Variants in SLC35D4 observed in about 807,000 individuals in gnomAD.
SLC35D4 encodes solute carrier family 35 member D4, also known as UDP-N-acetylglucosamine transporter SLC35D4.
chr18:23,363,108 G>A, the SLC35D4 span, among the ~76,000 whole-genome samples: 1 of 151,608 alleles, frequency 6.6e-6, no homozygotes, highest in Non-Finnish European at 1.5e-5. Flanking sequence ...AGCTGGGCAT[G>A]GTGGCAGGTG....
the SLC35D4 span, among the ~76,000 whole-genome samples, chr18:23,241,775 T>A: frequency 8.5e-5 from 13 of 152,226 alleles, no homozygotes; most frequent in African/African-American, 3.1e-4. Context: ...GTGTCCTAAG[T>A]GTAATATAAA....
chr18:23,324,212 C>A, the SLC35D4 span, among the ~76,000 whole-genome samples: 1 of 152,114 alleles, frequency 6.6e-6, no homozygotes, highest in Non-Finnish European at 1.5e-5. Flanking sequence ...GAGAAGGCAG[C>A]CATCTGAAAC....
chr18:23,264,353 C>CT, the SLC35D4 span, among the ~76,000 whole-genome samples: 468 of 56,082 alleles, frequency 8.3e-3, 26 homozygotes, highest in Middle Eastern at 0.022. Flanking sequence ...CACTTTATTC[C>CT]TTTTTTTTTT....
chr18:23,354,345 C>CA, the SLC35D4 span, among the ~76,000 whole-genome samples: 37,092 of 97,688 alleles, frequency 0.38, 6,383 homozygotes, highest in Middle Eastern at 0.45. Context: ...ACTAAAAATA[C>CA]AAAAAAAAAA....
the SLC35D4 span, among the ~76,000 whole-genome samples, chr18:23,391,240 G>T: frequency 6.6e-6 from 1 of 150,944 alleles, no homozygotes; most frequent in South Asian, 2.1e-4. Context: ...AAAAAAGAAA[G>T]AAAAGAAAGA....
At chr18:23,430,026 T>C in the SLC35D4 span, among the ~76,000 whole-genome samples, 9 of 152,176 alleles carry the variant, frequency 5.9e-5, no homozygotes, top group Non-Finnish European at 1.3e-4. Flanking sequence ...GTCCCAATTG[T>C]CAATTTTTGT....
chr18:23,299,677 G>T, the SLC35D4 span, among the ~76,000 whole-genome samples: 1 of 152,140 alleles, frequency 6.6e-6, no homozygotes, highest in Non-Finnish European at 1.5e-5. Flanking sequence ...TCAGCTTAGA[G>T]ACTGGGAGAA....
the SLC35D4 span, among the ~76,000 whole-genome samples, chr18:23,289,454 A>G: frequency 6.6e-6 from 1 of 152,088 alleles, no homozygotes; most frequent in African/African-American, 2.4e-5. Flanking sequence ...CAATCCCACA[A>G]TATCACCCCT....
chr18:23,317,713 T>TA, the SLC35D4 span, among the ~76,000 whole-genome samples: 2 of 152,108 alleles, frequency 1.3e-5, no homozygotes, highest in Admixed American at 1.3e-4. Context: ...CATTGTAGAT[T>TA]AGATATACTT....
chr18:23,313,231 C>T, the SLC35D4 span, among the ~76,000 whole-genome samples: 7 of 146,878 alleles, frequency 4.8e-5, no homozygotes, highest in Admixed American at 2.7e-4. Flanking sequence ...CCTTTTTGCT[C>T]ACTTGGAAAG....
At chr18:23,416,290 T>C in the SLC35D4 span, among the ~76,000 whole-genome samples, 1 of 152,192 alleles carries the variant, frequency 6.6e-6, no homozygotes, top group Non-Finnish European at 1.5e-5. Context: ...GAGTTCTCCA[T>C]GGCCTATGCT....
chr18:23,309,228 TTGTGTGTGTG>T, the SLC35D4 span, among the ~76,000 whole-genome samples: 21 of 145,750 alleles, frequency 1.4e-4, no homozygotes, highest in African/African-American at 3.8e-4. Context: ...AAAGGGCTGA[TTGTGTGTGTG>T]TGTGTGTGTG....
the SLC35D4 span, among the ~76,000 whole-genome samples, chr18:23,276,720 C>G: frequency 1.1e-3 from 169 of 152,354 alleles, no homozygotes; most frequent in Non-Finnish European, 1.9e-3. Flanking sequence ...AGTCCCTGCC[C>G]GCCTATCCTC....
chr18:23,416,177 C>T, the SLC35D4 span, among the ~76,000 whole-genome samples: 1 of 152,192 alleles, frequency 6.6e-6, no homozygotes, highest in Non-Finnish European at 1.5e-5. Context: ...TGCCATTGCC[C>T]TCCAGCTTGT....
the SLC35D4 span, among the ~76,000 whole-genome samples, chr18:23,412,106 G>C: frequency 6.6e-6 from 1 of 152,002 alleles, no homozygotes; most frequent in South Asian, 2.1e-4. Context: ...GATCACTTGA[G>C]GTCAGGAGTT....
At chr18:23,263,998 C>CA in the SLC35D4 span, among the ~76,000 whole-genome samples, 1 of 152,248 alleles carries the variant, frequency 6.6e-6, no homozygotes, top group East Asian at 1.9e-4. Context: ...TGAACTCGAG[C>CA]ACCTATCACA....
At chr18:23,347,320 T>C in the SLC35D4 span, among the ~76,000 whole-genome samples, 1 of 152,226 alleles carries the variant, frequency 6.6e-6, no homozygotes, top group African/African-American at 2.4e-5. Flanking sequence ...AAATCTGAAG[T>C]TATCTACAAT....
chr18:23,314,642 G>A, the SLC35D4 span, among the ~76,000 whole-genome samples: 1 of 152,162 alleles, frequency 6.6e-6, no homozygotes, highest in East Asian at 1.9e-4. Context: ...ATTTACTCTT[G>A]CAACTAGCCA....
chr18:23,263,514 T>G, the SLC35D4 span, among the ~76,000 whole-genome samples: 1 of 152,216 alleles, frequency 6.6e-6, no homozygotes, highest in African/African-American at 2.4e-5. Context: ...AAGGGGCTTT[T>G]GAAAGTAAGT....
Sources: gnomAD v4.1 joint callset for allele counts (sites outside exome capture counted in the v4.1 genomes callset) on GRCh38, gnomAD v4.1.1 for gene constraint, MANE v1.5 for transcripts, NCBI Gene and HGNC (gene_info 2026-07-23, HGNC 2026-07-21) for gene names.